Variants in SNX6 observed in about 807,000 individuals in gnomAD.
The protein encoded by SNX6 is sorting nexin-6.
In SNX6, 34 loss-of-function variants were observed where a neutral mutation model predicts 63.0. The observed-to-expected ratio is 0.54, with a 90% CI of 0.41 to 0.72. SNX6 has a LOEUF of 0.72. SNX6 is among the 30% of genes least tolerant of loss of function. The pLI, the probability that SNX6 is intolerant of heterozygous loss-of-function variation, is 0.00. For synonymous variants in SNX6, 170 were observed against 164.2 expected, an observed-to-expected ratio of 1.04 and a Z score of -0.27; for missense variants, 398 against 471.4, an observed-to-expected ratio of 0.84 and a Z score of 1.44.
Position 34,575,845 on chromosome 14 carries a change from GA to G in SNX6, c.835-4del. The G allele has an allele frequency of 6.5e-7, 1 of 1,535,834 alleles. No homozygotes were observed. The highest frequency in any genetic ancestry group is 8.8e-7 in the Non-Finnish European group (1 of 1,130,080). On this transcript the variant is annotated splice_region_variant and splice_polypyrimidine_tract_variant and intron_variant, in intron 10 of 13. Transcript: ENST00000362031. ...GCAGACACTCGTGCTTCTATTTTCTGAAAAGAAGGAAAAAATTGAATATTTA... is the reference window on the plus strand; with the variant it reads ...GCAGACACTCGTGCTTCTATTTTCTGAAAGAAGGAAAAAATTGAATATTTA...
chr14:34,625,071 A>G (rs897346195), intron 2 of SNX6, among the ~76,000 whole-genome samples: 9 of 151,874 alleles, frequency 5.9e-5, no homozygotes, highest in Non-Finnish European at 1.0e-4. Context: ...GCCCGCCACC[A>G]TGCCCAGCTA....
intron 2 of SNX6, among the ~76,000 whole-genome samples, chr14:34,623,226 T>A (rs959813606): frequency 6.6e-6 from 1 of 151,972 alleles, no homozygotes; most frequent in Non-Finnish European, 1.5e-5. Context: ...AATGCAAGCA[T>A]CTGGGCCAAA....
intron 11 of SNX6, among the ~76,000 whole-genome samples, chr14:34,572,413 T>A (rs189351630): frequency 6.6e-6 from 1 of 152,194 alleles, no homozygotes; most frequent in African/African-American, 2.4e-5. Flanking sequence ...CAACCACATT[T>A]GATAATTTAA....
At chr14:34,621,401 T>G (rs769830417) in intron 2 of SNX6, among the ~76,000 whole-genome samples, 2 of 152,182 alleles carry the variant, frequency 1.3e-5, no homozygotes, top group Non-Finnish European at 2.9e-5. Context: ...CCTAATTATA[T>G]CCCCAATTTA....
intron 8 of SNX6, among the ~76,000 whole-genome samples, chr14:34,590,430 C>CAAA (rs60755736): frequency 5.9e-5 from 5 of 84,390 alleles, no homozygotes; most frequent in African/African-American, 2.0e-4. Flanking sequence ...GACTTCGTCT[C>CAAA]AAAAAAAAAA....
rs371132073 is a variant in SNX6 at position 34,599,818 on chromosome 14, C to T, written c.517-2173G>A. On this transcript the variant is annotated intron_variant, in intron 6 of 13. Coordinates refer to ENST00000362031, the MANE Select transcript of SNX6 (RefSeq NM_152233.4). ...CTGATCTCCAAAATTTCTGTCTTCC[C>T]TCTTTTGATCTGTGGCCCCTTCATC... is the stretch of plus-strand genomic sequence containing the variant. Among the ~76,000 whole-genome samples, 6 of 151,658 alleles carry T rather than the reference C, an allele frequency of 4.0e-5. No homozygotes were observed. The East Asian group carries it at 7.7e-4, about 20-fold the overall frequency.
At chr14:34,594,262 A>G (rs10136826) in intron 7 of SNX6, among the ~76,000 whole-genome samples, 118,499 of 151,804 alleles carry the variant, frequency 0.78, 46,545 homozygotes, top group East Asian at 0.83. Flanking sequence ...GAGGAACCTG[A>G]CCAAACTATC....
intron 5 of SNX6, chr14:34,604,383 C>G: frequency 1.1e-6 from 1 of 904,484 alleles, no homozygotes; most frequent in South Asian, 2.2e-5. Flanking sequence ...GAATATATAT[C>G]TGTCTGCTAT....
chr14:34,617,829 C>G (rs371506316), intron 2 of SNX6, among the ~76,000 whole-genome samples: 3 of 150,166 alleles, frequency 2.0e-5, no homozygotes, highest in Non-Finnish European at 4.4e-5. Flanking sequence ...GCTGAGGCAG[C>G]AGAATCACTT....
intron 2 of SNX6, chr14:34,629,359 C>CTTTG: frequency 2.7e-6 from 1 of 373,942 alleles, no homozygotes. Flanking sequence ...AGTAAAGATA[C>CTTTG]CATGGGCTAC....
At chr14:34,621,469 C>T (rs1883617414) in intron 2 of SNX6, among the ~76,000 whole-genome samples, 1 of 152,192 alleles carries the variant, frequency 6.6e-6, no homozygotes. Context: ...ACATAGCCAC[C>T]TGGATGTATT....
chr14:34,610,888 T>C (rs1220730224), intron 2 of SNX6, among the ~76,000 whole-genome samples: 2 of 152,210 alleles, frequency 1.3e-5, no homozygotes, highest in Admixed American at 1.3e-4. Context: ...CACCTGGTCA[T>C]TAGTATCTCA....
rs1168575667 is a variant in SNX6 at position 34,587,798 on chromosome 14, A to ATTT, written c.719-1496_719-1494dup. Among the ~76,000 whole-genome samples, 23 of 107,074 alleles carry ATTT rather than the reference A, an allele frequency of 2.1e-4. No homozygotes were observed. In the East Asian group the frequency reaches 3.5e-3, roughly 16 times the overall value. The allele number at this position is 107,074 out of a possible 152,430, so 70.2% of individuals were successfully genotyped here. A position where few individuals can be genotyped will look rare whatever the true frequency, so the allele number is the denominator to read the frequency against. On this transcript the variant is annotated intron_variant, in intron 8 of 13. Transcript: ENST00000362031. ...AGGCACATGCCACCACGGTTGGCTAATTTTTTTTTTTTTTTTTTTTTGGCG... is the reference window on the plus strand; with the variant it reads ...AGGCACATGCCACCACGGTTGGCTAATTTTTTTTTTTTTTTTTTTTTTTTGGCG...
At chr14:34,581,422 G>A (rs1881929335) in intron 10 of SNX6, 139 bp downstream of exon 10, 3 of 471,172 alleles carry the variant, frequency 6.4e-6, no homozygotes, top group Admixed American at 6.7e-5. Flanking sequence ...AAAGTGTTGG[G>A]ATTACAGGCA....
At chr14:34,611,103 C>T (rs1883209881) in intron 2 of SNX6, among the ~76,000 whole-genome samples, 1 of 152,124 alleles carries the variant, frequency 6.6e-6, no homozygotes, top group South Asian at 2.1e-4. Flanking sequence ...AGTGATTCTC[C>T]CACCTCAGCC....
rs999063694 is a variant in SNX6 at position 34,593,254 on chromosome 14, T to C, written c.613-104A>G. On this transcript the variant is annotated intron_variant, in intron 7 of 13. Transcript: ENST00000362031. ...ATAAAAGATCATCAGTAAAATAGCA[T>C]ACCTATCCTCAGTCAGATGTTATTA... is the stretch of plus-strand genomic sequence containing the variant. 35 of 669,656 alleles carry C rather than the reference T, an allele frequency of 5.2e-5. 1 individual carries two copies. The Middle Eastern group carries it at 2.1e-3, about 40-fold the overall frequency. 41.5% of individuals were successfully genotyped at this position (669,656 alleles called of 1,614,324 possible). A position where few individuals can be genotyped will look rare whatever the true frequency, so the allele number is the denominator to read the frequency against.
chr14:34,599,997 G>C (rs915180808), intron 6 of SNX6, among the ~76,000 whole-genome samples: 2 of 152,056 alleles, frequency 1.3e-5, no homozygotes, highest in African/African-American at 4.8e-5. Context: ...TCCAGTAAAA[G>C]TCTTCATCAT....
rs1014753411 is a variant in SNX6, at chr14:34,562,683, T to C, written c.*439A>G. On this transcript the variant is annotated 3_prime_UTR_variant, in exon 14 of 14. Coordinates refer to ENST00000362031, the MANE Select transcript of SNX6 (RefSeq NM_152233.4). ...ACCAGGATACATGAATGAACTAAGG[T>C]GGTATATGCTTTTAAAAACAAAATT... is the stretch of plus-strand genomic sequence containing the variant. The C allele has an allele frequency of 1.3e-5, 2 of 154,536 alleles. No individual in the cohort carries two copies. Among genetic ancestry groups the C allele is most frequent in the African/African-American group, 4.8e-5 (2 of 41,502 alleles). The allele number at this position is 154,536 out of a possible 1,614,324, so 9.6% of individuals were successfully genotyped here. A position where few individuals can be genotyped will look rare whatever the true frequency, so the allele number is the denominator to read the frequency against.
intron 4 of SNX6, among the ~76,000 whole-genome samples, chr14:34,607,719 C>T (rs1332379264): frequency 4.6e-5 from 7 of 152,036 alleles, no homozygotes; most frequent in Non-Finnish European, 8.8e-5. Context: ...ACCAGCCTGG[C>T]CAACATGGTG....
Sources: allele counts gnomAD v4.1 joint callset (sites outside exome capture counted in the v4.1 genomes callset), GRCh38; gene constraint gnomAD v4.1.1; transcripts MANE v1.5; gene names NCBI Gene and HGNC (gene_info 2026-07-23, HGNC 2026-07-21).